The following BTNL9 variants were observed in gnomAD, a reference collection of about 807,000 sequenced individuals.
BTNL9 encodes the protein butyrophilin like 9, also known as butyrophilin-like protein 9.
Under a neutral mutation model 45.8 loss-of-function variants are expected in BTNL9, and 45 were observed. The ratio of observed to expected loss-of-function variants is 0.98; its 90% confidence interval spans 0.77 to 1.26. BTNL9 has a LOEUF of 1.26. BTNL9 is among the 50% of genes most tolerant of loss of function. The probability of loss-of-function intolerance (pLI) is 0.00; values close to 1 mark genes in which losing one functional copy is unlikely to be tolerated. For missense variants in BTNL9, 784 were observed against 729.7 expected (o/e 1.07, Z -0.86); for synonymous variants, 346 against 330.8 (o/e 1.05, Z -0.50).
At position 181,055,832 on chromosome 5, in the gene BTNL9, T is replaced by C. The variant is rs1312577687; in HGVS notation, c.929-157T>C. On this transcript the variant is annotated intron_variant, in intron 8 of 10. Coordinates refer to ENST00000327705, the MANE Select transcript of BTNL9 (RefSeq NM_152547.5). This position sits in a 1 kb window ranked among gnomAD's most constrained non-coding sequence, Gnocchi z 4.4. ...GCATCTGATTCCCCATATATCTTCT[T>C]CTCATCTCCCAACCAGGTATGATGC... 1 of 831,968 alleles carries C rather than the reference T, an allele frequency of 1.2e-6. No homozygotes were observed. Among genetic ancestry groups the C allele is most frequent in the Non-Finnish European group, 2.1e-6 (1 of 470,426 alleles). The allele number at this position is 831,968 out of a possible 1,614,324, so 51.5% of individuals were successfully genotyped here.
intron 4 of BTNL9, among the ~76,000 whole-genome samples, chr5:181,051,559 T>A (rs1303618993): frequency 1.3e-5 from 2 of 152,152 alleles, no homozygotes; most frequent in Non-Finnish European, 2.9e-5. Context: ...AAATCAAGCA[T>A]GTGATACGTC....
chr5:181,052,692 G>A (rs1294516500), intron 4 of BTNL9: 1 of 152,212 alleles, frequency 6.6e-6, no homozygotes, highest in Non-Finnish European at 1.5e-5. Context: ...TCCTCCCTGG[G>A]GAGCCGGGAG....
At position 181,053,589 on chromosome 5, in the gene BTNL9, T is replaced by C. The variant is rs1761704492; in HGVS notation, c.886+88T>C. On this transcript the variant is annotated intron_variant, in intron 6 of 10. Coordinates refer to ENST00000327705, the MANE Select transcript of BTNL9 (RefSeq NM_152547.5). This position sits in a 1 kb window ranked among gnomAD's most constrained non-coding sequence, Gnocchi z 6.5. ...AGGCTGTGGGTCCCGTTACGAGGGT[T>C]TATTCCAGCGCGAGGTGTCAGGGCG... 1.3e-6 allele frequency: 2 copies of C among 1,549,970 alleles called. No homozygotes were observed. The highest frequency in any genetic ancestry group is 1.7e-6 in the Non-Finnish European group (2 of 1,146,636).
chr5:181,054,261 T>C lies in BTNL9; in HGVS notation c.907+2T>C. 6.2e-7 allele frequency: 1 copy of C among 1,610,232 alleles called. No homozygotes were observed. The highest frequency in any genetic ancestry group is 8.5e-7 in the Non-Finnish European group (1 of 1,179,474). ...TAGAGAAACTCACTGCAGAGCTGGG[T>C]AAGTTCTGGGTGCGGGGCCACAGTG... On this transcript the variant is annotated splice_donor_variant, in intron 7 of 10. Transcript: ENST00000327705. LOFTEE classifies it high-confidence loss of function.
chr5:181,052,014 G>A (rs1281934885), intron 4 of BTNL9, among the ~76,000 whole-genome samples: 1 of 152,118 alleles, frequency 6.6e-6, no homozygotes, highest in African/African-American at 2.4e-5. Context: ...CAGCGAGGAG[G>A]CCAGAGGGTC....
intron 10 of BTNL9, chr5:181,059,031 T>G: frequency 2.4e-6 from 1 of 412,224 alleles, no homozygotes; most frequent in Non-Finnish European, 3.3e-6. Context: ...AAGGACAGGA[T>G]TCCTTGTCAC....
chr5:181,053,901 G>A lies in BTNL9; in HGVS notation c.887-338G>A, dbSNP rs1186191456. On this transcript the variant is annotated intron_variant, in intron 6 of 10. Transcript: ENST00000327705. The surrounding 1 kb of genome is among the most constrained non-coding windows in gnomAD (Gnocchi z 6.5). Reference sequence around the variant, plus strand: ...GCACAGGGTCAGGAAGCGGCGGTCAGGCACCGAGAAAACAGCCCAGTTACG... The same window carrying A: ...GCACAGGGTCAGGAAGCGGCGGTCAAGCACCGAGAAAACAGCCCAGTTACG... The A allele has an allele frequency of 1.3e-6, 2 of 1,507,200 alleles. No individual in the cohort carries two copies. Among genetic ancestry groups the A allele is most frequent in the Middle Eastern group, 1.7e-4 (1 of 5,878 alleles). 93.4% of individuals were successfully genotyped at this position (1,507,200 alleles called of 1,614,324 possible). A position where few individuals can be genotyped will look rare whatever the true frequency, so the allele number is the denominator to read the frequency against.
rs758507821 is a variant in BTNL9, at chr5:181,048,069, C to G, written c.252C>G (p.His84Gln). 5.0e-6 allele frequency: 8 copies of G among 1,613,558 alleles called. No individual in the cohort carries two copies. The highest frequency in any genetic ancestry group is 5.9e-6 in the Non-Finnish European group (7 of 1,180,000). Residue 84 changes from histidine to glutamine, a missense_variant, in exon 3 of 11, where the codon CAC becomes CAG. Coordinates refer to ENST00000327705, the MANE Select transcript of BTNL9 (RefSeq NM_152547.5). ...WFRSQTFNVV[H>Q]LYQEQQELPG... ...GGAGTCAGACCTTCAATGTGGTACA[C>G]CTGTACCAGGAGCAGCAGGAGCTCC...
intron 1 of BTNL9, among the ~76,000 whole-genome samples, chr5:181,044,836 C>T (rs1761002546): frequency 6.6e-6 from 1 of 152,158 alleles, no homozygotes; most frequent in South Asian, 2.1e-4. Flanking sequence ...CCCGAAGATG[C>T]TATCGACACA....
chr5:181,054,912 A>G lies in BTNL9; in HGVS notation c.908-521A>G, dbSNP rs1391773391. On this transcript the variant is annotated intron_variant, in intron 7 of 10. Coordinates refer to ENST00000327705, the MANE Select transcript of BTNL9 (RefSeq NM_152547.5). ...TAGCATGAATGCCTCTCCCAGGAGC[A>G]TTTACTTTTGAAAGAGCTTGACATT... 7 of 985,378 alleles carry G rather than the reference A, an allele frequency of 7.1e-6. No individual in the cohort carries two copies. In the African/African-American group the frequency reaches 1.2e-4, roughly 17 times the overall value. The allele number at this position is 985,378 out of a possible 1,614,324, so 61.0% of individuals were successfully genotyped here. A position where few individuals can be genotyped will look rare whatever the true frequency, so the allele number is the denominator to read the frequency against.
At chr5:181,044,950 C>T (rs1174613560) in intron 1 of BTNL9, among the ~76,000 whole-genome samples, 1 of 152,238 alleles carries the variant, frequency 6.6e-6, no homozygotes, top group African/African-American at 2.4e-5. Context: ...CACCTGCATG[C>T]ACTCCACTTC....
intron 7 of BTNL9, chr5:181,054,592 C>G (rs1761777133): frequency 1.0e-6 from 1 of 985,386 alleles, no homozygotes; most frequent in Admixed American, 6.1e-5. Context: ...AGGGTGGCAC[C>G]TTTAATTTGC....
Position 181,055,052 on chromosome 5 carries a change from G to A in BTNL9, c.908-381G>A. 1.9e-6 allele frequency: 2 copies of A among 1,058,368 alleles called. No individual in the cohort carries two copies. Among genetic ancestry groups the A allele is most frequent in the Non-Finnish European group, 2.3e-6 (2 of 876,662 alleles). The allele number at this position is 1,058,368 out of a possible 1,614,324, so 65.6% of individuals were successfully genotyped here. ...TCCAGTCCTTCAGATAACGCACCCG[G>A]TGAGTGACCGTGAGGCTCACGTAGG... On this transcript the variant is annotated intron_variant, in intron 7 of 10. Transcript: ENST00000327705. This position sits in a 1 kb window ranked among gnomAD's most constrained non-coding sequence, Gnocchi z 4.4.
chr5:181,059,269 C>T lies in BTNL9; in HGVS notation c.1015C>T (p.Pro339Ser). 1 of 1,570,842 alleles carries T rather than the reference C, an allele frequency of 6.4e-7. No individual in the cohort carries two copies. Among genetic ancestry groups the T allele is most frequent in the East Asian group, 2.3e-5 (1 of 43,156 alleles). The change falls in exon 11 of 11, where the codon CCC becomes TCC. Residue 339 changes from proline to serine, a missense_variant. Pro to Ser is a moderately conservative substitution (Grantham distance 74). Coordinates refer to ENST00000327705, the MANE Select transcript of BTNL9 (RefSeq NM_152547.5). Reference sequence around the variant, plus strand: ...GACGCTGGACCCGGCCTCGGCGCACCCCAGCCTGGAGGTGTCGGAGGATGG... The same window carrying T: ...GACGCTGGACCCGGCCTCGGCGCACTCCAGCCTGGAGGTGTCGGAGGATGG... The part of the protein sequence containing the change: ...DVTLDPASAH[P>S]SLEVSEDGKS...
chr5:181,053,103 C>G lies in BTNL9; in HGVS notation c.737-97C>G. 9.2e-7 allele frequency: 1 copy of G among 1,086,736 alleles called. No individual in the cohort carries two copies. Among genetic ancestry groups the G allele is most frequent in the Non-Finnish European group, 1.3e-6 (1 of 774,212 alleles). The allele number at this position is 1,086,736 out of a possible 1,614,324, so 67.3% of individuals were successfully genotyped here. On this transcript the variant is annotated intron_variant, in intron 4 of 10. Coordinates refer to ENST00000327705, the MANE Select transcript of BTNL9 (RefSeq NM_152547.5). This position sits in a 1 kb window ranked among gnomAD's most constrained non-coding sequence, Gnocchi z 6.5. ...GCTGCGGTGGCGCCCGGAGAAGGTC[C>G]CGCGGGAGGTTTCCCGGCACGCGGC...
rs1427046125 is a variant in BTNL9, at chr5:181,045,497, A to C, written c.8A>C (p.Asp3Ala). The C allele has an allele frequency of 6.2e-7, 1 of 1,604,390 alleles. No individual in the cohort carries two copies. Among genetic ancestry groups the C allele is most frequent in the Non-Finnish European group, 8.5e-7 (1 of 1,172,108 alleles). ...CCCCACTGCTGACGAGAGATGGTGG[A>C]CCTCTCAGTCTCCCCAGACTCCTTG... Reference protein sequence around the residue: MVDLSVSPDSLKP... With the variant: MVALSVSPDSLKP... Residue 3 changes from aspartate to alanine, a missense_variant, in exon 2 of 11, where the codon GAC becomes GCC. Coordinates refer to ENST00000327705, the MANE Select transcript of BTNL9 (RefSeq NM_152547.5).
In BTNL9 at chr5:181,055,220, C is replaced by CT; in HGVS notation, c.908-210dup. 1 of 1,427,314 alleles carries CT rather than the reference C, an allele frequency of 7.0e-7. No individual in the cohort carries two copies. The highest frequency in any genetic ancestry group is 9.1e-7 in the Non-Finnish European group (1 of 1,094,748). The allele number at this position is 1,427,314 out of a possible 1,614,324, so 88.4% of individuals were successfully genotyped here. A position where few individuals can be genotyped will look rare whatever the true frequency, so the allele number is the denominator to read the frequency against. ...TTCTAGGCTGTGTGCAGATTTCCACCTTTGAGCTAAGATAGGATGAGGCAT... is the reference window on the plus strand; with the variant it reads ...TTCTAGGCTGTGTGCAGATTTCCACCTTTTGAGCTAAGATAGGATGAGGCAT... On this transcript the variant is annotated intron_variant, in intron 7 of 10. Transcript: ENST00000327705. The surrounding 1 kb of genome is among the most constrained non-coding windows in gnomAD (Gnocchi z 4.4).
chr5:181,059,483 C>A lies in BTNL9; in HGVS notation c.1229C>A (p.Pro410His). 6.7e-7 allele frequency: 1 copy of A among 1,489,248 alleles called. No homozygotes were observed. The highest frequency in any genetic ancestry group is 8.9e-7 in the Non-Finnish European group (1 of 1,125,418). The allele number at this position is 1,489,248 out of a possible 1,614,324, so 92.3% of individuals were successfully genotyped here. ...CTGGCCGCGGTGCCGCGCGCGGGGCCTGCGCGCCTGAGCCCTGCGGCCGGC... is the reference window on the plus strand; with the variant it reads ...CTGGCCGCGGTGCCGCGCGCGGGGCATGCGCGCCTGAGCCCTGCGGCCGGC... ...ACLAAVPRAG[P>H]ARLSPAAGYW... is the part of the protein sequence containing the mutation. The change falls in exon 11 of 11, where the codon CCT becomes CAT. Residue 410 changes from proline to histidine, a missense_variant. Physicochemically the swap from Pro to His is moderately conservative, Grantham distance 77. Coordinates refer to ENST00000327705, the MANE Select transcript of BTNL9 (RefSeq NM_152547.5).
rs918721621 is a variant in BTNL9 at position 181,059,331 on chromosome 5, G to A, written c.1077G>A (p.Pro359=). The A allele has an allele frequency of 1.2e-5, 19 of 1,549,824 alleles. No individual in the cohort carries two copies. Among genetic ancestry groups the A allele is most frequent in the East Asian group, 2.4e-5 (1 of 41,942 alleles). ...CTTCCCGCGGGGCGCCGCCAGGCCC[G>A]GCGCCTGGCCACCCGCAGCGGTTCT... The part of the protein sequence containing the change: ...SVSSRGAPPG[P]APGHPQRFSE... Residue 359 remains proline, a synonymous_variant, in exon 11 of 11, where the codon CCG becomes CCA. Transcript: ENST00000327705.
Sources: allele counts gnomAD v4.1 joint callset (sites outside exome capture counted in the v4.1 genomes callset), GRCh38; gene constraint gnomAD v4.1.1; non-coding constraint Gnocchi (gnomAD v3.1); transcripts MANE v1.5; gene names NCBI Gene and HGNC (gene_info 2026-07-23, HGNC 2026-07-21).